Variants in CNTN5 observed in about 807,000 individuals in gnomAD.
CNTN5 encodes contactin 5.
CNTN5 carries 77 observed loss-of-function variants against 129.1 expected under a neutral mutation model. That is an observed-to-expected ratio of 0.60 (90% CI 0.50 to 0.72). The LOEUF (loss-of-function observed/expected upper bound fraction) is 0.72. CNTN5 is among the 30% of genes least tolerant of loss of function. The pLI is 0.00. For missense variants in CNTN5, 1,478 were observed against 1,328.8 expected (o/e 1.11, Z -1.75); for synonymous variants, 509 against 465.6 (o/e 1.09, Z -1.20).
chr11:100,139,873 G>T (rs1222916719), intron 13 of CNTN5, among the ~76,000 whole-genome samples: 3 of 151,978 alleles, frequency 2.0e-5, no homozygotes, highest in Non-Finnish European at 4.4e-5. Context: ...AAAGAAGAAA[G>T]AAAATAATAG....
chr11:99,629,556 G>GGAAT (rs1457125189), intron 3 of CNTN5, among the ~76,000 whole-genome samples: 1 of 151,716 alleles, frequency 6.6e-6, no homozygotes, highest in South Asian at 2.1e-4. Context: ...ATAAGATAAA[G>GGAAT]GAATGATCAG....
At chr11:100,173,376 A>AATTATAAAATACTCATCC (rs930318339) in intron 13 of CNTN5, among the ~76,000 whole-genome samples, 1 of 152,096 alleles carries the variant, frequency 6.6e-6, no homozygotes. Context: ...AAATTATAAA[A>AATTATAAAATACTCATCC]CCAGTATTTT....
intron 1 of CNTN5, among the ~76,000 whole-genome samples, chr11:99,285,022 T>C (rs972767675): frequency 6.6e-6 from 1 of 152,090 alleles, no homozygotes; most frequent in African/African-American, 2.4e-5. Flanking sequence ...TTTTAAAATT[T>C]TTTATAAAAT....
At chr11:100,326,558 AG>A (rs1163411494) in intron 21 of CNTN5, among the ~76,000 whole-genome samples, 1 of 152,226 alleles carries the variant, frequency 6.6e-6, no homozygotes, top group Non-Finnish European at 1.5e-5. Flanking sequence ...CCAAGACTCC[AG>A]CAACATCTCC....
At chr11:99,297,488 C>A (rs952661084) in intron 1 of CNTN5, among the ~76,000 whole-genome samples, 1 of 152,086 alleles carries the variant, frequency 6.6e-6, no homozygotes, top group African/African-American at 2.4e-5. Flanking sequence ...TAGTGCCAAA[C>A]CCATTCTTGG....
intron 16 of CNTN5, among the ~76,000 whole-genome samples, chr11:100,248,719 C>G (rs1320152694): frequency 1.3e-5 from 2 of 152,014 alleles, no homozygotes; most frequent in Admixed American, 1.3e-4. Context: ...TGAGAAAAAG[C>G]CAGAAAAGTT....
At chr11:99,446,115 T>C (rs1415152826) in intron 2 of CNTN5, among the ~76,000 whole-genome samples, 2 of 150,618 alleles carry the variant, frequency 1.3e-5, no homozygotes, top group Admixed American at 6.6e-5. Flanking sequence ...CCAAACTTCC[T>C]TGGATTTGTA....
intron 2 of CNTN5, among the ~76,000 whole-genome samples, chr11:99,515,815 T>C (rs753914752): frequency 6.6e-6 from 1 of 152,024 alleles, no homozygotes; most frequent in Non-Finnish European, 1.5e-5. Flanking sequence ...TTAGCTGATA[T>C]ATAGTAAATA....
intron 18 of CNTN5, among the ~76,000 whole-genome samples, chr11:100,273,431 T>C (rs935310397): frequency 2.0e-5 from 3 of 152,110 alleles, no homozygotes; most frequent in Non-Finnish European, 4.4e-5. Context: ...CCAACCACCG[T>C]TGCAGACAGA....
chr11:100,313,960 G>T (rs2138939155), intron 21 of CNTN5, among the ~76,000 whole-genome samples: 1 of 152,254 alleles, frequency 6.6e-6, no homozygotes, highest in South Asian at 2.1e-4. Flanking sequence ...TGGTTTACAG[G>T]TTATTGGTGA....
intron 4 of CNTN5, among the ~76,000 whole-genome samples, chr11:99,843,212 ACT>A (rs982822275): frequency 1.3e-4 from 20 of 152,182 alleles, no homozygotes; most frequent in African/African-American, 4.3e-4. Flanking sequence ...TGGGAGTGAG[ACT>A]CTCTCAAAAA....
chr11:100,021,823 G>A (rs1941167605), intron 9 of CNTN5, among the ~76,000 whole-genome samples: 1 of 152,142 alleles, frequency 6.6e-6, no homozygotes, highest in Non-Finnish European at 1.5e-5. Flanking sequence ...TTTAGTGTGT[G>A]GCCAAAGGCC....
rs373073082 is a variant in CNTN5, at chr11:99,873,979, C to A, written c.577+28717C>A. The stretch of plus-strand genomic sequence containing the variant: ...CTCTGAAGTAGCAAATCAAATATTG[C>A]ACATTCTCACTTATAAGTGGGAGCT... On this transcript the variant is annotated intron_variant, in intron 6 of 24. Transcript: ENST00000524871. 3.1e-4 allele frequency among the ~76,000 whole-genome samples: 47 copies of A among 152,144 alleles called. 1 individual carries two copies. Among genetic ancestry groups the A allele is most frequent in the African/African-American group, 1.1e-3 (44 of 41,524 alleles).
chr11:99,496,915 C>T (rs1009180789), intron 2 of CNTN5, among the ~76,000 whole-genome samples: 1 of 152,172 alleles, frequency 6.6e-6, no homozygotes, highest in Non-Finnish European at 1.5e-5. Flanking sequence ...AGAAGCAAAA[C>T]ATACTGGTTA....
In CNTN5 at chr11:99,187,196, A is replaced by C. The variant is rs1320450816; in HGVS notation, c.-209-138150A>C. On this transcript the variant is annotated intron_variant, in intron 1 of 24. Transcript: ENST00000524871. ...ACTGGTCAGTAAGAAACAAAGAAGCAGCAGACAACCAGGAGAGAGAAAATT... is the reference window on the plus strand; with the variant it reads ...ACTGGTCAGTAAGAAACAAAGAAGCCGCAGACAACCAGGAGAGAGAAAATT... 2.0e-5 allele frequency among the ~76,000 whole-genome samples: 3 copies of C among 151,880 alleles called. No homozygotes were observed. In the East Asian group the frequency reaches 5.8e-4, roughly 29 times the overall value.
intron 15 of CNTN5, among the ~76,000 whole-genome samples, chr11:100,194,918 G>C (rs372522254): frequency 6.8e-6 from 1 of 147,268 alleles, no homozygotes; most frequent in East Asian, 2.0e-4. Context: ...ATAGGAGAGA[G>C]TATATAAATA....
chr11:99,838,877 G>T (rs1047178238), intron 4 of CNTN5, among the ~76,000 whole-genome samples: 3 of 152,080 alleles, frequency 2.0e-5, no homozygotes, highest in Admixed American at 1.3e-4. Context: ...TATGCCTTTT[G>T]CTTTTAGCTA....
intron 9 of CNTN5, among the ~76,000 whole-genome samples, chr11:100,038,991 G>T (rs1238075812): frequency 6.6e-6 from 1 of 152,104 alleles, no homozygotes; most frequent in Non-Finnish European, 1.5e-5. Context: ...ATTGTTATGT[G>T]TGAATTTGAT....
intron 1 of CNTN5, among the ~76,000 whole-genome samples, chr11:99,110,090 A>G (rs1436026589): frequency 1.3e-5 from 2 of 152,138 alleles, no homozygotes; most frequent in African/African-American, 2.4e-5. Context: ...GAAAGAAGGG[A>G]ACCTCGCTCG....
Sources: gnomAD v4.1 joint callset for allele counts (sites outside exome capture counted in the v4.1 genomes callset) on GRCh38, gnomAD v4.1.1 for gene constraint, MANE v1.5 for transcripts, NCBI Gene and HGNC (gene_info 2026-07-23, HGNC 2026-07-21) for gene names.